Variants in NLRP4 observed in about 807,000 individuals in gnomAD.
NLRP4 encodes NACHT, LRR and PYD domains-containing protein 4.
A neutral mutation model predicts 84.7 loss-of-function variants in NLRP4; 44 were observed. The ratio of observed to expected loss-of-function variants is 0.52; its 90% CI spans 0.41 to 0.67. NLRP4 has a LOEUF of 0.67. Among genes scored for constraint, NLRP4 ranks in the 30% least tolerant of loss-of-function variants. The probability of loss-of-function intolerance (pLI) is 0.00; values close to 1 mark genes in which losing one functional copy is unlikely to be tolerated. For missense variants in NLRP4, 1,260 were observed against 1,219.4 expected (o/e 1.03, Z -0.50); for synonymous variants, 544 against 476.4 (o/e 1.14, Z -1.85).
intron 1 of NLRP4, among the ~76,000 whole-genome samples, chr19:55,842,314 T>G (rs1983643441): frequency 6.6e-6 from 1 of 152,190 alleles, no homozygotes; most frequent in Admixed American, 6.5e-5. Context: ...GACCATCACT[T>G]TTTTATTTAC....
chr19:55,858,868 G>A lies in NLRP4; in HGVS notation c.1475G>A (p.Arg492Lys). 3 of 1,614,190 alleles carry A rather than the reference G, an allele frequency of 1.9e-6. No homozygotes were observed. Residue 492 changes from arginine (R) to lysine (K), a missense_variant, in exon 3 of 10, where the codon AGG becomes AAG. Arg to Lys is a conservative substitution (Grantham distance 26). Around this residue, in one of 3 missense-constraint regions of NLRP4, gnomAD observed 712 missense variants for 669.2 expected, o/e 1.06. Coordinates refer to ENST00000301295, the MANE Select transcript of NLRP4 (RefSeq NM_134444.5). This position sits in a 1 kb window ranked among gnomAD's most constrained non-coding sequence, Gnocchi z 4.2. ...ELLVANFEKA[R>K]RAHWIFLGCF... ...CTAGTTGCCAATTTTGAAAAAGCAAGGAGAGCACATTGGATTTTTTTGGGG... is the reference window on the plus strand; with the variant it reads ...CTAGTTGCCAATTTTGAAAAAGCAAAGAGAGCACATTGGATTTTTTTGGGG...
At chr19:55,847,634 T>A (rs997979324) in intron 1 of NLRP4, among the ~76,000 whole-genome samples, 1 of 152,200 alleles carries the variant, frequency 6.6e-6, no homozygotes, top group Non-Finnish European at 1.5e-5. Flanking sequence ...ATGGTACATT[T>A]GTCATAACTA....
chr19:55,852,977 C>A (rs915690781), intron 2 of NLRP4, among the ~76,000 whole-genome samples: 12 of 152,208 alleles, frequency 7.9e-5, no homozygotes, highest in African/African-American at 2.7e-4. Context: ...ATGCACCTGA[C>A]TTATTTGCAA....
intron 2 of NLRP4, 123 bp from the exon 3 acceptor site, chr19:55,857,551 G>T: frequency 1.3e-6 from 1 of 780,542 alleles, no homozygotes; most frequent in Non-Finnish European, 2.1e-6. Context: ...AGACTGACCA[G>T]GTTTGGCCTG....
At chr19:55,859,464 G>T (rs1984631399) in intron 3 of NLRP4, among the ~76,000 whole-genome samples, 1 of 152,174 alleles carries the variant, frequency 6.6e-6, no homozygotes, top group South Asian at 2.1e-4. Context: ...CATTACAGAA[G>T]GGGGAATAAT....
At chr19:55,875,088 CTTGATGATCTAAAGAATA>C (rs2123065310) in intron 7 of NLRP4, among the ~76,000 whole-genome samples, 1 of 152,202 alleles carries the variant, frequency 6.6e-6, no homozygotes, top group African/African-American at 2.4e-5. Flanking sequence ...TGGGAACTTC[CTTGATGATCTAAAGAATA>C]TGTTCAAAAA....
At chr19:55,846,434 C>A (rs980690364) in intron 1 of NLRP4, among the ~76,000 whole-genome samples, 1 of 152,112 alleles carries the variant, frequency 6.6e-6, no homozygotes, top group African/African-American at 2.4e-5. Context: ...CAAGAAAAGT[C>A]CAACTCTAGT....
intron 9 of NLRP4, among the ~76,000 whole-genome samples, chr19:55,881,234 A>G (rs983820385): frequency 6.6e-6 from 1 of 151,762 alleles, no homozygotes; most frequent in Non-Finnish European, 1.5e-5. Context: ...ATTGCCTTGG[A>G]GAATTTACAC....
intron 6 of NLRP4, among the ~76,000 whole-genome samples, chr19:55,868,967 C>T (rs1166478856): frequency 1.3e-5 from 2 of 152,106 alleles, no homozygotes; most frequent in African/African-American, 4.8e-5. Context: ...ACTTAACCTC[C>T]CACCTAAAAC....
intron 1 of NLRP4, among the ~76,000 whole-genome samples, chr19:55,848,942 CT>C (rs1200181150): frequency 6.6e-6 from 1 of 152,152 alleles, no homozygotes; most frequent in Non-Finnish European, 1.5e-5. Flanking sequence ...TTGGTCCTCT[CT>C]TGTCTGCCGC....
intron 2 of NLRP4, among the ~76,000 whole-genome samples, chr19:55,856,969 T>C (rs1259241120): frequency 6.6e-6 from 1 of 152,232 alleles, no homozygotes; most frequent in African/African-American, 2.4e-5. Flanking sequence ...AGGTCCTTTT[T>C]AGGTGGACTT....
intron 5 of NLRP4, among the ~76,000 whole-genome samples, chr19:55,866,621 A>G (rs1256956380): frequency 2.6e-5 from 4 of 152,066 alleles, no homozygotes; most frequent in African/African-American, 9.7e-5. Flanking sequence ...GTCCTAGGGG[A>G]CTCGGGTTCA....
At chr19:55,849,233 C>T (rs557500855) in intron 1 of NLRP4, among the ~76,000 whole-genome samples, 175 of 152,146 alleles carry the variant, frequency 1.2e-3, no homozygotes, top group Non-Finnish European at 2.0e-3. Flanking sequence ...TTCAGCCTGC[C>T]CTGGGTTTCT....
rs749567243 is a variant in NLRP4 at position 55,881,544 on chromosome 19, C to A, written c.2942C>A (p.Thr981Asn). The change falls in exon 10 of 10, where the codon ACC (threonine) becomes AAC (asparagine). Residue 981 changes from threonine (T) to asparagine (N), a missense_variant. Around this residue, in one of 3 missense-constraint regions of NLRP4, gnomAD observed 544 missense variants for 531.7 expected, o/e 1.02. Coordinates refer to ENST00000301295, the MANE Select transcript of NLRP4 (RefSeq NM_134444.5). Reference protein sequence around the residue: ...TAEEERNPNLTITDDCDTITR... With the variant: ...TAEEERNPNLNITDDCDTITR... ...GAGGAAGAGAGAAATCCTAACCTGA[C>A]CATCACAGACGACTGTGACACAATC... 4 of 1,608,118 alleles carry A rather than the reference C, an allele frequency of 2.5e-6. No homozygotes were observed. In the Admixed American group the frequency reaches 6.7e-5, roughly 27 times the overall value.
chr19:55,850,792 A>T (rs1225819657), intron 1 of NLRP4, among the ~76,000 whole-genome samples: 3 of 110,686 alleles, frequency 2.7e-5, no homozygotes, highest in East Asian at 2.5e-4. Flanking sequence ...GTAATTCCCG[A>T]GGCTGCGGTG....
At chr19:55,850,114 G>GA (rs1215446493) in intron 1 of NLRP4, among the ~76,000 whole-genome samples, 18 of 129,772 alleles carry the variant, frequency 1.4e-4, no homozygotes, top group African/African-American at 4.4e-4. Flanking sequence ...AATTACCGTA[G>GA]CTGCGGTGTA....
intron 1 of NLRP4, among the ~76,000 whole-genome samples, chr19:55,845,012 G>A (rs1053115702): frequency 3.9e-5 from 6 of 151,988 alleles, no homozygotes; most frequent in African/African-American, 1.4e-4. Flanking sequence ...TTCAGCCTGT[G>A]GCAAGAGGCT....
At position 55,870,808 on chromosome 19, in the gene NLRP4, C is replaced by T. The variant is rs370874544; in HGVS notation, c.2355-19C>T. 32 of 1,600,160 alleles carry T rather than the reference C, an allele frequency of 2.0e-5. No individual in the cohort carries two copies. Among genetic ancestry groups the T allele is most frequent in the South Asian group, 6.6e-5 (6 of 90,680 alleles). On this transcript the variant is annotated intron_variant, in intron 6 of 9. Coordinates refer to ENST00000301295, the MANE Select transcript of NLRP4 (RefSeq NM_134444.5). ...CCACGTCCCTCTTCACTCTCCTTCT[C>T]GTGTTTTTGTCCCCATAGGTTGGCT...
intron 7 of NLRP4, among the ~76,000 whole-genome samples, chr19:55,871,412 G>A (rs945755582): frequency 6.6e-6 from 1 of 152,028 alleles, no homozygotes; most frequent in Non-Finnish European, 1.5e-5. Flanking sequence ...GAGAATTAAT[G>A]TGTGTAACAG....
Sources: allele counts gnomAD v4.1 joint callset (sites outside exome capture counted in the v4.1 genomes callset), GRCh38; gene constraint gnomAD v4.1.1; regional missense constraint gnomAD v4.1.1; non-coding constraint Gnocchi (gnomAD v3.1); transcripts MANE v1.5; gene names NCBI Gene and HGNC (gene_info 2026-07-23, HGNC 2026-07-21).